Variants in RPS6KB1 observed in about 807,000 individuals in gnomAD.
RPS6KB1 encodes the protein ribosomal protein S6 kinase B1.
In RPS6KB1, 12 loss-of-function variants were observed where a neutral mutation model predicts 70.2. The ratio of observed to expected loss-of-function variants is 0.17; its 90% CI spans 0.11 to 0.28. The LOEUF is 0.28. RPS6KB1 is among the 10% of genes least tolerant of loss of function. The probability of loss-of-function intolerance (pLI) is 1.00; values close to 1 mark genes in which losing one functional copy is unlikely to be tolerated. For synonymous variants in RPS6KB1, 175 were observed against 211.2 expected (o/e 0.83, Z 1.49); for missense variants, 270 against 646.6 (o/e 0.42, Z 6.32).
chr17:59,900,889 C>T (rs2041895958), intron 1 of RPS6KB1, among the ~76,000 whole-genome samples: 1 of 151,598 alleles, frequency 6.6e-6, no homozygotes, highest in African/African-American at 2.4e-5. Context: ...CGGCCGGGCG[C>T]AGTGGCTCAG....
intron 4 of RPS6KB1, among the ~76,000 whole-genome samples, chr17:59,915,548 C>T (rs2042894205): frequency 6.6e-6 from 1 of 151,978 alleles, no homozygotes; most frequent in Admixed American, 6.6e-5. Flanking sequence ...TCACTGCAAC[C>T]TCTGTCTCCC....
chr17:59,942,413 CAG>C (rs1261118058), intron 13 of RPS6KB1, among the ~76,000 whole-genome samples: 1 of 152,178 alleles, frequency 6.6e-6, no homozygotes, highest in Non-Finnish European at 1.5e-5. Flanking sequence ...GGATTTATAT[CAG>C]AAGACCATGA....
chr17:59,938,410 TTCTC>T (rs1342828811), intron 12 of RPS6KB1, among the ~76,000 whole-genome samples: 2 of 146,990 alleles, frequency 1.4e-5, no homozygotes, highest in African/African-American at 4.9e-5. Flanking sequence ...CATTTTTTTT[TTCTC>T]CTGTTTGTAA....
chr17:59,933,230 A>G (rs1429378198), intron 7 of RPS6KB1, among the ~76,000 whole-genome samples: 1 of 151,180 alleles, frequency 6.6e-6, no homozygotes, highest in Non-Finnish European at 1.5e-5. Flanking sequence ...GAGAAATGAT[A>G]TACTTAACTG....
intron 4 of RPS6KB1, among the ~76,000 whole-genome samples, chr17:59,917,430 A>G (rs2043023063): frequency 6.6e-6 from 1 of 151,784 alleles, no homozygotes; most frequent in African/African-American, 2.4e-5. Context: ...CTATTTAATT[A>G]AATTAATTAA....
intron 12 of RPS6KB1, among the ~76,000 whole-genome samples, chr17:59,936,842 C>G (rs1026316454): frequency 6.6e-6 from 1 of 152,140 alleles, no homozygotes; most frequent in African/African-American, 2.4e-5. Context: ...GATCTCTGGT[C>G]TATCCTCTCC....
intron 4 of RPS6KB1, among the ~76,000 whole-genome samples, chr17:59,923,153 C>T (rs1219952737): frequency 4.0e-5 from 6 of 151,004 alleles, no homozygotes; most frequent in South Asian, 4.2e-4. Context: ...TGAGCCACCG[C>T]ACCTGGTCTT....
chr17:59,936,842 C>T (rs1026316454), intron 12 of RPS6KB1, among the ~76,000 whole-genome samples: 8 of 152,140 alleles, frequency 5.3e-5, no homozygotes, highest in African/African-American at 1.9e-4. Flanking sequence ...GATCTCTGGT[C>T]TATCCTCTCC....
intron 13 of RPS6KB1, 126 bp downstream of exon 13, chr17:59,941,069 TA>T (rs2044550349): frequency 7.6e-5 from 42 of 549,268 alleles, no homozygotes; most frequent in Admixed American, 1.3e-4. Context: ...TTTTTTTTTT[TA>T]AATAAGCCAT....
intron 1 of RPS6KB1, among the ~76,000 whole-genome samples, chr17:59,906,036 A>G (rs1368782910): frequency 6.6e-6 from 1 of 152,188 alleles, no homozygotes; most frequent in Non-Finnish European, 1.5e-5. Flanking sequence ...GAAGTAGCAT[A>G]TAGATATCCA....
chr17:59,941,055 T>A, intron 13 of RPS6KB1, 112 bp downstream of exon 13: 1 of 253,934 alleles, frequency 3.9e-6, no homozygotes, highest in Non-Finnish European at 7.5e-6. Context: ...CTGGCCCACT[T>A]TTTTTTTTTT....
chr17:59,918,542 G>T (rs1458226135), intron 4 of RPS6KB1, among the ~76,000 whole-genome samples: 1 of 151,722 alleles, frequency 6.6e-6, no homozygotes, highest in Non-Finnish European at 1.5e-5. Flanking sequence ...GCTAATTTTT[G>T]TATTTTTAGC....
intron 4 of RPS6KB1, among the ~76,000 whole-genome samples, chr17:59,923,993 G>A (rs1212593708): frequency 6.6e-6 from 1 of 152,102 alleles, no homozygotes; most frequent in Non-Finnish European, 1.5e-5. Flanking sequence ...AATTTTTTGT[G>A]TGCTTACATA....
chr17:59,949,749 C>T lies in RPS6KB1; in HGVS notation c.*2961C>T, dbSNP rs2045114350. 2 of 152,134 alleles carry T rather than the reference C, an allele frequency of 1.3e-5. No individual in the cohort carries two copies. Among genetic ancestry groups the T allele is most frequent in the African/African-American group, 4.8e-5 (2 of 41,302 alleles). 9.4% of individuals were successfully genotyped at this position (152,134 alleles called of 1,614,324 possible). A position where few individuals can be genotyped will look rare whatever the true frequency, so the allele number is the denominator to read the frequency against. On this transcript the variant is annotated 3_prime_UTR_variant, in exon 15 of 15. Transcript: ENST00000225577. ...TTTAAGATAGAAGATAATTTGTGGG[C>T]AGGGGTGGAGGATGCATGTATGATA...
rs1167197193 is a variant in RPS6KB1 at position 59,946,903 on chromosome 17, T to C, written c.*115T>C. On this transcript the variant is annotated 3_prime_UTR_variant, in exon 15 of 15. Transcript: ENST00000225577. This position sits in a 1 kb window ranked among gnomAD's most constrained non-coding sequence, Gnocchi z 4.2. The stretch of plus-strand genomic sequence containing the variant: ...GTTTCAGAGAGTCAATGTCATTACA[T>C]AGAACACTTCAGACACAGGAAAAAT... 3 of 1,543,076 alleles carry C rather than the reference T, an allele frequency of 1.9e-6. No individual in the cohort carries two copies. The highest frequency in any genetic ancestry group is 1.4e-5 in the African/African-American group (1 of 72,650).
chr17:59,949,202 T>TAATA lies in RPS6KB1; in HGVS notation c.*2414_*2415insAATA, dbSNP rs942918104. ...ATTTCCCATGCTGTGGAAAGTTTATTGAGAACTTGTTTCATAAATGGATAT... is the reference window on the plus strand; with the variant it reads ...ATTTCCCATGCTGTGGAAAGTTTATTAATAGAGAACTTGTTTCATAAATGGATAT... On this transcript the variant is annotated 3_prime_UTR_variant, in exon 15 of 15. Coordinates refer to ENST00000225577, the MANE Select transcript of RPS6KB1 (RefSeq NM_003161.4). 5 of 152,646 alleles carry TAATA rather than the reference T, an allele frequency of 3.3e-5. No individual in the cohort carries two copies. Among genetic ancestry groups the TAATA allele is most frequent in the Non-Finnish European group, 7.4e-5 (5 of 68,006 alleles). The allele number at this position is 152,646 out of a possible 1,614,324, so 9.5% of individuals were successfully genotyped here.
intron 13 of RPS6KB1, 98 bp from the exon 14 acceptor site, chr17:59,945,308 G>T (rs1412600034): frequency 1.5e-6 from 1 of 651,076 alleles, no homozygotes; most frequent in Non-Finnish European, 2.8e-6. Flanking sequence ...GTGGTTTTAG[G>T]TGTGCATCAT....
At chr17:59,902,193 C>T (rs1173743030) in intron 1 of RPS6KB1, among the ~76,000 whole-genome samples, 1 of 147,334 alleles carries the variant, frequency 6.8e-6, no homozygotes, top group Non-Finnish European at 1.5e-5. Flanking sequence ...CAACCTCTGC[C>T]TCCTGGGTTC....
intron 13 of RPS6KB1, among the ~76,000 whole-genome samples, chr17:59,944,516 T>A (rs900690860): frequency 1.4e-4 from 21 of 151,986 alleles, no homozygotes; most frequent in Non-Finnish European, 2.6e-4. Flanking sequence ...GTCCAGGAGT[T>A]TGAGGCTGCA....
Sources: allele counts gnomAD v4.1 joint callset (sites outside exome capture counted in the v4.1 genomes callset), GRCh38; gene constraint gnomAD v4.1.1; non-coding constraint Gnocchi (gnomAD v3.1); transcripts MANE v1.5; gene names NCBI Gene and HGNC (gene_info 2026-07-23, HGNC 2026-07-21).